FAM13C: variants seen among roughly 807,000 people sequenced by gnomAD.
FAM13C encodes protein FAM13C.
FAM13C carries 37 observed loss-of-function variants against 73.2 expected under a neutral mutation model. That is an observed-to-expected ratio of 0.51 (90% CI 0.39 to 0.67). The LOEUF is 0.67. Ranked by LOEUF, FAM13C falls within the 30% of genes least tolerant of loss-of-function variation. The pLI, the probability that FAM13C is intolerant of heterozygous loss-of-function variation, is 0.00. For missense variants in FAM13C, 589 were observed against 715.6 expected, an observed-to-expected ratio of 0.82 and a Z score of 2.02; for synonymous variants, 246 against 260.9, an observed-to-expected ratio of 0.94 and a Z score of 0.55.
chr10:59,356,076 T>TA (rs1855680572), intron 1 of FAM13C, 133 bp from the exon 2 acceptor site: 1 of 808,464 alleles, frequency 1.2e-6, no homozygotes, highest in Non-Finnish European at 2.1e-6. Flanking sequence ...CTCTCCCAAA[T>TA]AAGTTCTGAT....
intron 4 of FAM13C, among the ~76,000 whole-genome samples, chr10:59,309,308 G>T (rs1848657663): frequency 1.3e-5 from 2 of 151,852 alleles, no homozygotes; most frequent in Admixed American, 6.6e-5. Flanking sequence ...TTTCTCCCTG[G>T]TCTCCCTACT....
At chr10:59,362,722 C>T (rs1378615647), upstream of FAM13C, 5 of 638,118 alleles carry the variant, frequency 7.8e-6, no homozygotes, top group South Asian at 2.3e-5. Context: ...CGGGATCCAG[C>T]GAGGAGCACC....
In FAM13C at chr10:59,323,984, C is replaced by T; in HGVS notation, c.443+4G>A. 2 of 1,610,304 alleles carry T rather than the reference C, an allele frequency of 1.2e-6. No homozygotes were observed. The highest frequency in any genetic ancestry group is 1.1e-5 in the South Asian group (1 of 91,016). On this transcript the variant is annotated splice_donor_region_variant and intron_variant, in intron 4 of 13. Transcript: ENST00000618804. ...AGAATAGCTTCTGATAACAAAGGGC[C>T]CACCTTGGTTGAAGTCGCACTGTTT...
chr10:59,280,483 T>C (rs1234861532), intron 6 of FAM13C, among the ~76,000 whole-genome samples: 1 of 152,154 alleles, frequency 6.6e-6, no homozygotes, highest in Non-Finnish European at 1.5e-5. Context: ...TTGGCAAAAT[T>C]GAGGTACAGC....
intron 9 of FAM13C, 40 bp from the exon 10 acceptor site, chr10:59,262,685 C>T (rs749427683): frequency 6.5e-7 from 1 of 1,533,392 alleles, no homozygotes; most frequent in Non-Finnish European, 9.0e-7. Context: ...CAAAGAGAAC[C>T]CACTAGTTCT....
intron 4 of FAM13C, among the ~76,000 whole-genome samples, chr10:59,306,533 GA>G (rs1276338116): frequency 1.3e-5 from 2 of 152,158 alleles, no homozygotes; most frequent in Non-Finnish European, 2.9e-5. Flanking sequence ...ACTGAGTCTT[GA>G]AGCCACTTCA....
chr10:59,298,119 T>C (rs1477626061), intron 5 of FAM13C, among the ~76,000 whole-genome samples: 1 of 152,230 alleles, frequency 6.6e-6, no homozygotes, highest in Non-Finnish European at 1.5e-5. Flanking sequence ...ATGAGAAGAT[T>C]GTTTTATTTT....
Position 59,254,347 on chromosome 10 carries a change from C to A in FAM13C, c.1332+1G>T, listed in dbSNP as rs202129522. 1.9e-6 allele frequency: 3 copies of A among 1,541,258 alleles called. No individual in the cohort carries two copies. The highest frequency in any genetic ancestry group is 2.5e-5 in the East Asian group (1 of 40,366). ...AACAGCATGCAAGTATCCTGACTTACAATTGTTGGAATAAGGGAAGGTGTT... is the reference window on the plus strand; with the variant it reads ...AACAGCATGCAAGTATCCTGACTTAAAATTGTTGGAATAAGGGAAGGTGTT... On this transcript the variant is annotated splice_donor_variant, in intron 11 of 13. Coordinates refer to ENST00000618804, the MANE Select transcript of FAM13C (RefSeq NM_198215.4). LOFTEE classifies it high-confidence loss of function.
At chr10:59,255,940 C>T (rs914214489) in intron 10 of FAM13C, among the ~76,000 whole-genome samples, 10 of 152,022 alleles carry the variant, frequency 6.6e-5, no homozygotes, top group African/African-American at 2.4e-4. Context: ...ATCCCCATCC[C>T]TACTACTAAG....
At chr10:59,247,796 C>A in intron 13 of FAM13C, 59 bp from the exon 14 acceptor site, 2 of 1,535,850 alleles carry the variant, frequency 1.3e-6, no homozygotes, top group South Asian at 2.4e-5. Flanking sequence ...TTTAAACATT[C>A]TTTTATAATT....
chr10:59,361,998 AT>A (rs1203056359), intron 1 of FAM13C, among the ~76,000 whole-genome samples: 1 of 152,212 alleles, frequency 6.6e-6, no homozygotes, highest in Non-Finnish European at 1.5e-5. Context: ...ACATGCTGGA[AT>A]TCAGCTCATT....
intron 4 of FAM13C, among the ~76,000 whole-genome samples, chr10:59,321,547 A>G (rs1268546387): frequency 6.9e-6 from 1 of 145,324 alleles, no homozygotes; most frequent in Admixed American, 7.4e-5. Flanking sequence ...GTGGTCAGTT[A>G]TTACAGTAGC....
intron 2 of FAM13C, among the ~76,000 whole-genome samples, chr10:59,354,606 T>A (rs991601230): frequency 2.0e-5 from 3 of 152,142 alleles, no homozygotes; most frequent in African/African-American, 7.2e-5. Flanking sequence ...CTGAAATGCC[T>A]ACCATAGAAA....
chr10:59,280,673 G>C (rs1371101993), intron 6 of FAM13C, among the ~76,000 whole-genome samples: 1 of 152,226 alleles, frequency 6.6e-6, no homozygotes, highest in African/African-American at 2.4e-5. Flanking sequence ...ATTATGATCT[G>C]TAAGAAGGTT....
At chr10:59,326,919 C>T (rs1851225298) in intron 3 of FAM13C, among the ~76,000 whole-genome samples, 1 of 152,166 alleles carries the variant, frequency 6.6e-6, no homozygotes, top group Non-Finnish European at 1.5e-5. Context: ...CAATAGATAA[C>T]TAAAACACAT....
chr10:59,301,106 C>T (rs543623468), intron 5 of FAM13C: 5 of 152,206 alleles, frequency 3.3e-5, no homozygotes, highest in Admixed American at 6.5e-5. Context: ...TGAGTGTGAA[C>T]ACATCCACCC....
At chr10:59,358,651 G>A (rs908960226) in intron 1 of FAM13C, among the ~76,000 whole-genome samples, 1 of 152,178 alleles carries the variant, frequency 6.6e-6, no homozygotes, top group Non-Finnish European at 1.5e-5. Context: ...CAATTCTGGA[G>A]CTCAACAATA....
chr10:59,246,442 C>G lies in FAM13C; in HGVS notation c.*1172G>C. 1 of 371,900 alleles carries G rather than the reference C, an allele frequency of 2.7e-6. No homozygotes were observed. The highest frequency in any genetic ancestry group is 4.8e-6 in the Non-Finnish European group (1 of 209,156). 23.0% of individuals were successfully genotyped at this position (371,900 alleles called of 1,614,324 possible). On this transcript the variant is annotated 3_prime_UTR_variant, in exon 14 of 14. Transcript: ENST00000618804. ...ATAGTCAATAGTCTTCCCATCCAAA[C>G]TATAAGAGAATGTGAATTTCTTCAA...
chr10:59,344,623 T>C (rs923981424), intron 3 of FAM13C, among the ~76,000 whole-genome samples: 3 of 152,112 alleles, frequency 2.0e-5, no homozygotes, highest in Non-Finnish European at 4.4e-5. Flanking sequence ...ATGTTTACGT[T>C]TATATCATTA....
Sources: allele counts gnomAD v4.1 joint callset (sites outside exome capture counted in the v4.1 genomes callset), GRCh38; gene constraint gnomAD v4.1.1; transcripts MANE v1.5; gene names NCBI Gene and HGNC (gene_info 2026-07-23, HGNC 2026-07-21).